The following AP2B1 variants were observed in gnomAD, a reference collection of about 807,000 sequenced individuals.
AP2B1 encodes adaptor related protein complex 2 subunit beta 1, also known as AP-2 complex subunit beta.
Under a neutral mutation model 102.0 loss-of-function variants are expected in AP2B1, and 23 were observed. The ratio of observed to expected loss-of-function variants is 0.23; its 90% CI spans 0.16 to 0.32. The LOEUF (loss-of-function observed/expected upper bound fraction) is 0.32. Among genes scored for constraint, AP2B1 ranks in the 10% least tolerant of loss-of-function variants. The pLI is 1.00. For missense variants in AP2B1, 541 were observed against 1,157.4 expected, an observed-to-expected ratio of 0.47 and a Z score of 7.73; for synonymous variants, 381 against 421.2, an observed-to-expected ratio of 0.90 and a Z score of 1.17.
At chr17:35,701,169 G>GTA (rs1316290562) in intron 18 of AP2B1, among the ~76,000 whole-genome samples, 1 of 37,540 alleles carries the variant, frequency 2.7e-5, no homozygotes, top group Non-Finnish European at 4.6e-5. Context: ...TTTACATAGT[G>GTA]TATACACACA....
At chr17:35,597,833 G>A (rs542178787) in intron 2 of AP2B1, among the ~76,000 whole-genome samples, 9 of 152,306 alleles carry the variant, frequency 5.9e-5, no homozygotes, top group South Asian at 4.1e-4. Context: ...AAAGCCGAGC[G>A]TGGGTAAATG....
intron 21 of AP2B1, among the ~76,000 whole-genome samples, chr17:35,717,742 C>G (rs2085221044): frequency 6.6e-6 from 1 of 152,176 alleles, no homozygotes; most frequent in Non-Finnish European, 1.5e-5. Context: ...TGTTGGAGTT[C>G]ATGACCTAAG....
chr17:35,662,532 GT>G (rs34547701), intron 14 of AP2B1, among the ~76,000 whole-genome samples: 70,203 of 109,822 alleles, frequency 0.64, 20,328 homozygotes, highest in South Asian at 0.7. Context: ...GTTTGGGTTT[GT>G]TTTTTTTTTT....
At chr17:35,659,208 C>T (rs1392093235) in intron 14 of AP2B1, among the ~76,000 whole-genome samples, 1 of 152,132 alleles carries the variant, frequency 6.6e-6, no homozygotes, top group African/African-American at 2.4e-5. Context: ...CTTTTCTGTT[C>T]ACATTCAACC....
chr17:35,660,040 A>G (rs2075322769), intron 14 of AP2B1: 1 of 985,280 alleles, frequency 1.0e-6, no homozygotes, highest in Non-Finnish European at 1.2e-6. Context: ...GAGAAGATTA[A>G]TCCTCAAAGC....
chr17:35,608,480 G>C, intron 5 of AP2B1, 93 bp downstream of exon 5: 1 of 1,419,470 alleles, frequency 7.0e-7, no homozygotes, highest in Non-Finnish European at 9.7e-7. Flanking sequence ...TGGAATACTG[G>C]GTTATGGGGT....
In AP2B1 at chr17:35,608,342, A is replaced by G; in HGVS notation, c.480A>G (p.Gly160=). The G allele has an allele frequency of 6.2e-7, 1 of 1,614,232 alleles. No homozygotes were observed. Among genetic ancestry groups the G allele is most frequent in the Non-Finnish European group, 8.5e-7 (1 of 1,180,048 alleles). The stretch of plus-strand genomic sequence containing the variant: ...ATGCCCAAATGGTGGAAGATCAGGG[A>G]TTTCTGGATTCTCTACGGGATCTCA... ...DINAQMVEDQ[G]FLDSLRDLIA... The change falls in exon 5 of 22, where the codon GGA becomes GGG. Residue 160 remains glycine, a synonymous_variant. Coordinates refer to ENST00000610402, the MANE Select transcript of AP2B1 (RefSeq NM_001030006.2).
intron 11 of AP2B1, among the ~76,000 whole-genome samples, chr17:35,641,370 T>C (rs536557783): frequency 6.6e-6 from 1 of 152,308 alleles, no homozygotes; most frequent in Non-Finnish European, 1.5e-5. Context: ...GCCAGGGCTA[T>C]GAGACCAGCC....
intron 18 of AP2B1, among the ~76,000 whole-genome samples, chr17:35,689,662 T>C (rs984651840): frequency 6.6e-6 from 1 of 152,228 alleles, no homozygotes; most frequent in Non-Finnish European, 1.5e-5. Context: ...CTCTTAAGTC[T>C]CTTTAGCTAC....
intron 12 of AP2B1, among the ~76,000 whole-genome samples, chr17:35,648,042 C>T (rs939417874): frequency 2.0e-5 from 3 of 151,990 alleles, no homozygotes; most frequent in Non-Finnish European, 2.9e-5. Context: ...CAGGCATGAG[C>T]CACTGTACCC....
At chr17:35,677,892 G>A (rs1368053050) in intron 17 of AP2B1, among the ~76,000 whole-genome samples, 2 of 142,164 alleles carry the variant, frequency 1.4e-5, no homozygotes, top group African/African-American at 2.6e-5. Flanking sequence ...AGAGTTTTTC[G>A]CTTGTCACCC....
intron 17 of AP2B1, among the ~76,000 whole-genome samples, chr17:35,675,980 G>C (rs1250036349): frequency 2.0e-5 from 3 of 152,084 alleles, no homozygotes; most frequent in Admixed American, 6.6e-5. Context: ...AGTGCCTTAA[G>C]TCCCTTTAAA....
chr17:35,627,314 T>A lies in AP2B1; in HGVS notation c.939-71T>A, dbSNP rs1195773118. The A allele has an allele frequency of 2.3e-5, 32 of 1,418,032 alleles. No individual in the cohort carries two copies. The African/African-American group carries it at 4.6e-4, about 20-fold the overall frequency. The allele number at this position is 1,418,032 out of a possible 1,614,324, so 87.8% of individuals were successfully genotyped here. A position where few individuals can be genotyped will look rare whatever the true frequency, so the allele number is the denominator to read the frequency against. On this transcript the variant is annotated intron_variant, in intron 7 of 21. Transcript: ENST00000610402. The stretch of plus-strand genomic sequence containing the variant: ...AGAGCAGAGAGGCACAGATTAGGTA[T>A]TAATACAGTCTCAGAAGGGTATATC...
At chr17:35,590,735 G>A (rs2073067457) in intron 1 of AP2B1, among the ~76,000 whole-genome samples, 1 of 152,026 alleles carries the variant, frequency 6.6e-6, no homozygotes, top group South Asian at 2.1e-4. Flanking sequence ...TTATTTTCTA[G>A]TTAAGACAAG....
chr17:35,634,077 ACAAAGGTTGCAGTGAGC>A (rs1567861080), intron 9 of AP2B1, among the ~76,000 whole-genome samples: 1 of 152,086 alleles, frequency 6.6e-6, no homozygotes, highest in East Asian at 1.9e-4. Context: ...AACCCAGGAG[ACAAAGGTTGCAGTGAGC>A]CAAGATCATG....
Position 35,725,402 on chromosome 17 carries a change from G to C in AP2B1, c.*1703G>C, listed in dbSNP as rs190481304. The C allele has an allele frequency of 7.6e-4, 116 of 152,272 alleles. No homozygotes were observed. The highest frequency in any genetic ancestry group is 2.7e-3 in the African/African-American group (113 of 41,530). 9.4% of individuals were successfully genotyped at this position (152,272 alleles called of 1,614,324 possible). ...ACTCACTGGACTCAGAGGAGGAATC[G>C]TGGAAAACAAGAGCAAAACTACCCC... is the stretch of plus-strand genomic sequence containing the variant. On this transcript the variant is annotated 3_prime_UTR_variant, in exon 22 of 22. Transcript: ENST00000610402.
chr17:35,665,217 C>T (rs2075440849), intron 14 of AP2B1, among the ~76,000 whole-genome samples: 1 of 150,276 alleles, frequency 6.7e-6, no homozygotes, highest in African/African-American at 2.5e-5. Flanking sequence ...GCCTTGACCT[C>T]CCTGGGCCCA....
At chr17:35,623,225 C>T (rs1023250008) in intron 5 of AP2B1, among the ~76,000 whole-genome samples, 2 of 151,746 alleles carry the variant, frequency 1.3e-5, no homozygotes, top group Non-Finnish European at 2.9e-5. Context: ...TAAATGGATT[C>T]CCAGATCTGT....
At chr17:35,669,433 C>T (rs779732571) in intron 14 of AP2B1, among the ~76,000 whole-genome samples, 2 of 152,172 alleles carry the variant, frequency 1.3e-5, no homozygotes, top group Admixed American at 6.5e-5. Context: ...TGAGCCACCA[C>T]GCCCAGCCAA....
Sources: allele counts gnomAD v4.1 joint callset (sites outside exome capture counted in the v4.1 genomes callset), GRCh38; gene constraint gnomAD v4.1.1; transcripts MANE v1.5; gene names NCBI Gene and HGNC (gene_info 2026-07-23, HGNC 2026-07-21).